Variants in NOX4 observed in about 807,000 individuals in gnomAD.
The protein encoded by NOX4 is kidney oxidase-1.
NOX4 carries 69 observed loss-of-function variants against 87.6 expected under a neutral mutation model. The ratio of observed to expected loss-of-function variants is 0.79; its 90% CI spans 0.65 to 0.96. The LOEUF (loss-of-function observed/expected upper bound fraction) is 0.96, where lower values mean the gene tolerates loss of function less well. Ranked by LOEUF, NOX4 falls within the 40% of genes least tolerant of loss-of-function variation. The probability of loss-of-function intolerance (pLI) is 0.00; values close to 1 mark genes in which losing one functional copy is unlikely to be tolerated. For synonymous variants in NOX4, 275 were observed against 238.2 expected, an observed-to-expected ratio of 1.15 and a Z score of -1.42; for missense variants, 680 against 681.5, an observed-to-expected ratio of 1.00 and a Z score of 0.02.
chr11:89,588,671 T>C, the NOX4 span, among the ~76,000 whole-genome samples: 2 of 152,146 alleles, frequency 1.3e-5, no homozygotes, highest in Non-Finnish European at 2.9e-5. Flanking sequence ...CAGCAATCTT[T>C]GTGAAAAAAT....
At chr11:89,476,816 C>G (rs190125048) in intron 2 of NOX4, among the ~76,000 whole-genome samples, 1 of 152,050 alleles carries the variant, frequency 6.6e-6, no homozygotes, top group Non-Finnish European at 1.5e-5. Flanking sequence ...AAGAAGCACA[C>G]GGCCACATAA....
In NOX4 at chr11:89,324,479, C is replaced by T. The variant is rs1424655488; in HGVS notation, c.*2277G>A. 1 of 152,112 alleles carries T rather than the reference C, an allele frequency of 6.6e-6. No homozygotes were observed. The allele number at this position is 152,112 out of a possible 1,614,324, so 9.4% of individuals were successfully genotyped here. On this transcript the variant is annotated 3_prime_UTR_variant, in exon 18 of 18. Coordinates refer to ENST00000263317, the MANE Select transcript of NOX4 (RefSeq NM_016931.5). ...CTTAAACATGCAAGATGAAGCCCTG[C>T]AGAAGCAAAGATGACCTATGTTTAA...
the NOX4 span, among the ~76,000 whole-genome samples, chr11:89,523,319 G>A: frequency 4.6e-5 from 7 of 152,150 alleles, no homozygotes; most frequent in Non-Finnish European, 1.0e-4. Context: ...ATGGTGCCTG[G>A]CTGGAAAGCA....
chr11:89,395,965 T>C (rs11018601), intron 11 of NOX4, among the ~76,000 whole-genome samples: 28,998 of 152,114 alleles, frequency 0.19, 3,415 homozygotes, highest in Non-Finnish European at 0.27. Context: ...TCTTTTGGCT[T>C]AGGATTGTCT....
the NOX4 span, among the ~76,000 whole-genome samples, chr11:89,550,210 G>A: frequency 6.7e-6 from 1 of 149,220 alleles, no homozygotes; most frequent in African/African-American, 2.5e-5. Flanking sequence ...TTTTGAGACA[G>A]AGTCTTGCTC....
chr11:89,385,473 C>T (rs1940635271), intron 11 of NOX4, among the ~76,000 whole-genome samples: 1 of 152,170 alleles, frequency 6.6e-6, no homozygotes, highest in South Asian at 2.1e-4. Flanking sequence ...TCAATCTCTT[C>T]CCAAACAAGG....
At chr11:89,356,837 A>T (rs1938098619) in intron 12 of NOX4, among the ~76,000 whole-genome samples, 1 of 152,108 alleles carries the variant, frequency 6.6e-6, no homozygotes, top group African/African-American at 2.4e-5. Flanking sequence ...ATCTATTTTT[A>T]CTGGAGAAAA....
intron 12 of NOX4, among the ~76,000 whole-genome samples, chr11:89,369,843 G>T (rs1397411831): frequency 1.3e-5 from 2 of 151,412 alleles, no homozygotes; most frequent in African/African-American, 4.9e-5. Flanking sequence ...GATGTAATTG[G>T]CCTAAAATAT....
At chr11:89,522,721 T>C in the NOX4 span, among the ~76,000 whole-genome samples, 1 of 152,172 alleles carries the variant, frequency 6.6e-6, no homozygotes, top group Non-Finnish European at 1.5e-5. Context: ...ATTCATAAAA[T>C]AAAAGTAAAC....
At chr11:89,454,566 C>A (rs1012147090) in intron 2 of NOX4, among the ~76,000 whole-genome samples, 2 of 152,060 alleles carry the variant, frequency 1.3e-5, no homozygotes, top group East Asian at 3.9e-4. Flanking sequence ...CAATGACAAC[C>A]ATTAAATTAT....
intron 4 of NOX4, among the ~76,000 whole-genome samples, chr11:89,445,652 G>A (rs1270584185): frequency 6.6e-6 from 1 of 152,014 alleles, no homozygotes; most frequent in Non-Finnish European, 1.5e-5. Context: ...CTGAAACAAG[G>A]AAGCATTCAC....
At chr11:89,569,338 A>G in the NOX4 span, among the ~76,000 whole-genome samples, 1 of 152,184 alleles carries the variant, frequency 6.6e-6, no homozygotes, top group African/African-American at 2.4e-5. Flanking sequence ...TCCAGAATCT[A>G]TAAGGAACTT....
At chr11:89,493,388 C>CA (rs143056149), upstream of NOX4, among the ~76,000 whole-genome samples, 22,330 of 138,362 alleles carry the variant, frequency 0.16, 1,864 homozygotes, top group East Asian at 0.29. Context: ...GACTCTATCT[C>CA]AAAAAAAAAA....
intron 8 of NOX4, among the ~76,000 whole-genome samples, chr11:89,418,304 T>C (rs192034467): frequency 0.035 from 5,237 of 151,500 alleles, 317 homozygotes; most frequent in African/African-American, 0.12. Context: ...CATAACTTAG[T>C]GGTTAAGAAT....
the NOX4 span, among the ~76,000 whole-genome samples, chr11:89,552,740 G>T: frequency 8.5e-5 from 13 of 152,214 alleles, no homozygotes; most frequent in South Asian, 1.9e-3. Context: ...GATTTACTGG[G>T]AATAAACTGA....
intron 2 of NOX4, among the ~76,000 whole-genome samples, chr11:89,460,493 C>A (rs564747969): frequency 6.6e-6 from 1 of 152,064 alleles, no homozygotes; most frequent in African/African-American, 2.4e-5. Flanking sequence ...AAAAAGTGGG[C>A]GAAGGATATG....
chr11:89,431,696 A>G (rs1943792260), intron 7 of NOX4, among the ~76,000 whole-genome samples: 1 of 152,182 alleles, frequency 6.6e-6, no homozygotes, highest in Non-Finnish European at 1.5e-5. Context: ...AAAAGTCAGG[A>G]AACAACAGGT....
the NOX4 span, among the ~76,000 whole-genome samples, chr11:89,582,666 C>G: frequency 6.6e-6 from 1 of 152,170 alleles, no homozygotes; most frequent in Non-Finnish European, 1.5e-5. Context: ...TTCTCTAAGA[C>G]TGTGGCTTAT....
chr11:89,384,082 C>T (rs1565221124), intron 11 of NOX4, among the ~76,000 whole-genome samples: 1 of 152,082 alleles, frequency 6.6e-6, no homozygotes, highest in Non-Finnish European at 1.5e-5. Flanking sequence ...TTTACCTGTC[C>T]AAAAACCAGA....
Sources: gnomAD v4.1 joint callset for allele counts (sites outside exome capture counted in the v4.1 genomes callset) on GRCh38, gnomAD v4.1.1 for gene constraint, MANE v1.5 for transcripts, NCBI Gene and HGNC (gene_info 2026-07-23, HGNC 2026-07-21) for gene names.